The following PAX5 variants were observed in gnomAD, a reference collection of about 807,000 sequenced individuals.
PAX5 encodes paired box 5.
PAX5 carries 9 observed loss-of-function variants against 43.7 expected under a neutral mutation model. The observed-to-expected ratio is 0.21, with a 90% confidence interval of 0.12 to 0.36. The LOEUF is 0.36. PAX5 is among the 10% of genes least tolerant of loss of function. The pLI, the probability that PAX5 is intolerant of heterozygous loss-of-function variation, is 1.00. For synonymous variants in PAX5, 228 were observed against 214.3 expected (o/e 1.06, Z -0.56); for missense variants, 383 against 532.7 (o/e 0.72, Z 2.77).
chr9:36,844,472 T>TGTAA (rs1822373032), intron 9 of PAX5, among the ~76,000 whole-genome samples: 1 of 152,190 alleles, frequency 6.6e-6, no homozygotes, highest in Admixed American at 6.5e-5. Context: ...CGACATCAGA[T>TGTAA]AGCCCATGTA....
At chr9:36,893,010 T>C (rs1047939841) in intron 7 of PAX5, among the ~76,000 whole-genome samples, 1 of 152,214 alleles carries the variant, frequency 6.6e-6, no homozygotes, top group African/African-American at 2.4e-5. Flanking sequence ...TGGGAGGGCT[T>C]AGGTTGGGAG....
chr9:36,879,524 C>CCTTG (rs1334265951), intron 8 of PAX5, among the ~76,000 whole-genome samples: 1 of 152,160 alleles, frequency 6.6e-6, no homozygotes, highest in Non-Finnish European at 1.5e-5. Context: ...ACCCAGGCAG[C>CCTTG]CCAGGGCACA....
In PAX5 at chr9:36,899,404, C is replaced by T. The variant is rs562397349; in HGVS notation, c.911-17299G>A. Reference sequence around the variant, plus strand: ...TTCTGTTTCCCTGTGGTACCCATCACGATGTTTGGCGCAGAGCTGAAGCTA... The same window carrying T: ...TTCTGTTTCCCTGTGGTACCCATCATGATGTTTGGCGCAGAGCTGAAGCTA... On this transcript the variant is annotated intron_variant, in intron 7 of 9. Transcript: ENST00000358127. Among the ~76,000 whole-genome samples the T allele has an allele frequency of 9.2e-5, 14 of 152,348 alleles. No homozygotes were observed. The South Asian group carries it at 2.1e-3, about 23-fold the overall frequency.
At position 36,840,483 on chromosome 9, in the gene PAX5, G is replaced by T; in HGVS notation, c.*77C>A. ...GGGGGACGGTCTCATGGGCTCTCTG[G>T]CTATCTTCAGGAGGGCTGGGTGGCT... On this transcript the variant is annotated 3_prime_UTR_variant, in exon 10 of 10. Coordinates refer to ENST00000358127, the MANE Select transcript of PAX5 (RefSeq NM_016734.3). 1 of 1,394,394 alleles carries T rather than the reference G, an allele frequency of 7.2e-7. No individual in the cohort carries two copies. The highest frequency in any genetic ancestry group is 9.9e-7 in the Non-Finnish European group (1 of 1,008,924). The allele number at this position is 1,394,394 out of a possible 1,614,324, so 86.4% of individuals were successfully genotyped here.
intron 7 of PAX5, among the ~76,000 whole-genome samples, chr9:36,896,566 C>A (rs937300984): frequency 1.5e-4 from 23 of 152,150 alleles, no homozygotes; most frequent in Non-Finnish European, 3.1e-4. Flanking sequence ...AAAGTGCCAG[C>A]CCATCCCTCT....
chr9:36,941,696 CT>C (rs1436928873), intron 6 of PAX5, among the ~76,000 whole-genome samples: 1 of 149,728 alleles, frequency 6.7e-6, no homozygotes, highest in Non-Finnish European at 1.5e-5. Context: ...GGCAATGCCC[CT>C]GGGGAGGCAA....
intron 5 of PAX5, among the ~76,000 whole-genome samples, chr9:36,982,463 C>T (rs1327826245): frequency 6.6e-6 from 1 of 152,050 alleles, no homozygotes; most frequent in African/African-American, 2.4e-5. Context: ...GGAGAGAAGG[C>T]CTGGAGATGG....
chr9:37,006,427 T>C, intron 4 of PAX5, 46 bp downstream of exon 4: 2 of 1,344,366 alleles, frequency 1.5e-6, no homozygotes, highest in Middle Eastern at 1.8e-4. Flanking sequence ...TTTAGAATAT[T>C]TGGAGCCCAT....
intron 5 of PAX5, among the ~76,000 whole-genome samples, chr9:36,999,186 T>C (rs923505812): frequency 1.3e-5 from 2 of 152,146 alleles, no homozygotes. Flanking sequence ...TCTCTCCCTT[T>C]CCAAATCCTG....
intron 1 of PAX5, among the ~76,000 whole-genome samples, chr9:37,023,383 C>A (rs1840024305): frequency 6.6e-6 from 1 of 152,128 alleles, no homozygotes; most frequent in Non-Finnish European, 1.5e-5. Flanking sequence ...CAAGTCCCAG[C>A]CTGTACTTCC....
At chr9:36,971,633 T>C (rs933531519) in intron 5 of PAX5, among the ~76,000 whole-genome samples, 8 of 152,232 alleles carry the variant, frequency 5.3e-5, no homozygotes, top group Non-Finnish European at 8.8e-5. Context: ...ATCTTTTTTT[T>C]CTACTCCAAG....
At chr9:36,869,680 T>A (rs1176395961) in intron 8 of PAX5, among the ~76,000 whole-genome samples, 2 of 152,218 alleles carry the variant, frequency 1.3e-5, no homozygotes, top group Admixed American at 6.5e-5. Context: ...CCTCACAGAT[T>A]TGCCTGACAA....
At chr9:37,000,398 G>A (rs1348584552) in intron 5 of PAX5, among the ~76,000 whole-genome samples, 1 of 152,068 alleles carries the variant, frequency 6.6e-6, no homozygotes, top group African/African-American at 2.4e-5. Context: ...TGACTGGACT[G>A]CCCCCTAAGT....
chr9:36,894,803 G>A (rs1464215462), intron 7 of PAX5, among the ~76,000 whole-genome samples: 2 of 152,226 alleles, frequency 1.3e-5, no homozygotes, highest in Non-Finnish European at 2.9e-5. Context: ...GATTGGGCTT[G>A]GAAAGCACAG....
chr9:36,837,792 A>T lies in PAX5; in HGVS notation c.*2768T>A, dbSNP rs1010305016. Reference sequence around the variant, plus strand: ...GGGAGGAAAGGTATGGGGGGAGCTCATTACAGGGCAAGAAGAGGAACAGGA... The same window carrying T: ...GGGAGGAAAGGTATGGGGGGAGCTCTTTACAGGGCAAGAAGAGGAACAGGA... On this transcript the variant is annotated 3_prime_UTR_variant, in exon 10 of 10. Transcript: ENST00000358127. 4.3e-6 allele frequency: 1 copy of T among 233,332 alleles called. No homozygotes were observed. Among genetic ancestry groups the T allele is most frequent in the African/African-American group, 2.2e-5 (1 of 45,354 alleles). The allele number at this position is 233,332 out of a possible 1,614,324, so 14.5% of individuals were successfully genotyped here.
intron 6 of PAX5, among the ~76,000 whole-genome samples, chr9:36,945,437 T>C (rs1176608527): frequency 6.6e-6 from 1 of 152,196 alleles, no homozygotes; most frequent in African/African-American, 2.4e-5. Flanking sequence ...GGATGAGGTC[T>C]TACTATGTTA....
chr9:36,863,680 G>A (rs1824460153), intron 8 of PAX5, among the ~76,000 whole-genome samples: 1 of 152,184 alleles, frequency 6.6e-6, no homozygotes, highest in East Asian at 1.9e-4. Context: ...ACTTGGGCAA[G>A]TTACTCTGTG....
intron 4 of PAX5, among the ~76,000 whole-genome samples, chr9:37,005,848 A>C (rs1464522194): frequency 6.6e-6 from 1 of 152,220 alleles, no homozygotes; most frequent in Non-Finnish European, 1.5e-5. Context: ...CAATCTTTGA[A>C]GGGAAGACAA....
intron 1 of PAX5, among the ~76,000 whole-genome samples, chr9:37,029,573 G>A (rs1004986430): frequency 2.0e-5 from 3 of 152,234 alleles, no homozygotes; most frequent in African/African-American, 7.2e-5. Flanking sequence ...GAGAGGGACT[G>A]GGATGGAATA....
Sources: gnomAD v4.1 joint callset for allele counts (sites outside exome capture counted in the v4.1 genomes callset) on GRCh38, gnomAD v4.1.1 for gene constraint, MANE v1.5 for transcripts, NCBI Gene and HGNC (gene_info 2026-07-23, HGNC 2026-07-21) for gene names.